Variants in DMRT1 observed in about 807,000 individuals in gnomAD.
The protein encoded by DMRT1 is doublesex- and mab-3-related transcription factor 1.
In DMRT1, 7 loss-of-function variants were observed where a neutral mutation model predicts 32.3. The observed-to-expected ratio is 0.22, with a 90% CI of 0.12 to 0.41. The LOEUF (loss-of-function observed/expected upper bound fraction) is 0.41, where lower values mean the gene tolerates loss of function less well. Among genes scored for constraint, DMRT1 ranks in the 10% least tolerant of loss-of-function variants. The probability of loss-of-function intolerance (pLI) is 1.00; values close to 1 mark genes in which losing one functional copy is unlikely to be tolerated. For synonymous variants in DMRT1, 278 were observed against 206.1 expected (o/e 1.35, Z -2.99); for missense variants, 625 against 500.5 (o/e 1.25, Z -2.37).
At chr9:946,603 G>A (rs1054161180) in intron 4 of DMRT1, among the ~76,000 whole-genome samples, 2 of 152,152 alleles carry the variant, frequency 1.3e-5, no homozygotes, top group African/African-American at 2.4e-5. Context: ...ACATAAAAAC[G>A]CTGGCTTTTG....
intron 2 of DMRT1, among the ~76,000 whole-genome samples, chr9:881,941 TA>T (rs906007866): frequency 6.6e-6 from 1 of 152,248 alleles, no homozygotes; most frequent in Non-Finnish European, 1.5e-5. Context: ...TGAATTGGCC[TA>T]AAGAGAGAAA....
chr9:864,954 A>T (rs1815913032), intron 2 of DMRT1, among the ~76,000 whole-genome samples: 1 of 152,202 alleles, frequency 6.6e-6, no homozygotes, highest in African/African-American at 2.4e-5. Flanking sequence ...TATGGCCGTG[A>T]TGCAGGAATG....
intron 4 of DMRT1, among the ~76,000 whole-genome samples, chr9:931,535 T>G (rs74860135): frequency 7.6e-4 from 115 of 152,294 alleles, no homozygotes; most frequent in African/African-American, 2.8e-3. Context: ...CAACAGAAAT[T>G]TATTTTCTTA....
chr9:907,369 T>C (rs968924164), intron 3 of DMRT1, among the ~76,000 whole-genome samples: 1 of 152,160 alleles, frequency 6.6e-6, no homozygotes, highest in Non-Finnish European at 1.5e-5. Flanking sequence ...TAGACAAATG[T>C]AGGTTTCCAA....
chr9:949,967 A>G (rs1169817234), intron 4 of DMRT1, among the ~76,000 whole-genome samples: 1 of 152,210 alleles, frequency 6.6e-6, no homozygotes, highest in African/African-American at 2.4e-5. Context: ...GTCAGTGGAC[A>G]TGTAGGTTGC....
intron 2 of DMRT1, among the ~76,000 whole-genome samples, chr9:850,975 G>A (rs972863004): frequency 6.7e-6 from 1 of 149,442 alleles, no homozygotes; most frequent in Admixed American, 6.7e-5. Flanking sequence ...GTTGCAGTGA[G>A]CTGAGATTGT....
At chr9:843,264 G>C (rs1838767686) in intron 1 of DMRT1, among the ~76,000 whole-genome samples, 1 of 152,204 alleles carries the variant, frequency 6.6e-6, no homozygotes, top group East Asian at 1.9e-4. Flanking sequence ...AGCCTTGTTT[G>C]TTTTTCTGGA....
chr9:850,913 C>T (rs1000025679), intron 2 of DMRT1, among the ~76,000 whole-genome samples: 5 of 151,796 alleles, frequency 3.3e-5, no homozygotes, highest in African/African-American at 1.2e-4. Context: ...CCTGTAATCC[C>T]AGCTACTCGA....
chr9:914,596 AG>A lies in DMRT1; in HGVS notation c.823-2166del, dbSNP rs1459552553. 2.2e-4 allele frequency among the ~76,000 whole-genome samples: 32 copies of A among 148,402 alleles called. No individual in the cohort carries two copies. The East Asian group carries it at 5.1e-3, about 24-fold the overall frequency. On this transcript the variant is annotated intron_variant, in intron 3 of 4. Transcript: ENST00000382276. ...CTCAAAAAAAAAAAAAAAAAAAAAA[AG>A]ATTTAATGTAATGGTAGAAAGTGAA...
At chr9:918,803 G>A (rs1459335250) in intron 4 of DMRT1, among the ~76,000 whole-genome samples, 20 of 152,164 alleles carry the variant, frequency 1.3e-4, no homozygotes, top group Non-Finnish European at 7.3e-5. Context: ...CAAAATCCCA[G>A]CTAATTTTTA....
chr9:841,969 G>A lies in DMRT1; in HGVS notation c.131G>A (p.Gly44Asp). 1 of 1,586,682 alleles carries A rather than the reference G, an allele frequency of 6.3e-7. No homozygotes were observed. Among genetic ancestry groups the A allele is most frequent in the Admixed American group, 1.8e-5 (1 of 56,440 alleles). Residue 44 changes from glycine to aspartate, a missense_variant, in exon 1 of 5, where the codon GGC becomes GAC. Coordinates refer to ENST00000382276, the MANE Select transcript of DMRT1 (RefSeq NM_021951.3). Reference protein sequence around the residue: ...ASGALVGAASGSSAGGSSRGG... With the variant: ...ASGALVGAASDSSAGGSSRGG... ...GGGGCGCTAGTGGGGGCGGCCAGCG[G>A]CTCGAGCGCCGGGGGCAGCAGCAGA...
chr9:883,171 T>C (rs1019857602), intron 2 of DMRT1, among the ~76,000 whole-genome samples: 4 of 151,094 alleles, frequency 2.6e-5, no homozygotes, highest in African/African-American at 9.7e-5. Flanking sequence ...CCAAGCCCGC[T>C]CCTATCTTTA....
intron 4 of DMRT1, among the ~76,000 whole-genome samples, chr9:963,175 A>G (rs1819829482): frequency 6.6e-6 from 1 of 152,182 alleles, no homozygotes; most frequent in South Asian, 2.1e-4. Flanking sequence ...GATTCCATCT[A>G]TAGGATCTTT....
intron 4 of DMRT1, among the ~76,000 whole-genome samples, chr9:951,447 G>T (rs1819424663): frequency 6.6e-6 from 1 of 152,144 alleles, no homozygotes; most frequent in African/African-American, 2.4e-5. Context: ...AATAAAACTT[G>T]ATTTATCCAC....
Position 868,815 on chromosome 9 carries a change from G to C in DMRT1, c.538+21672G>C, listed in dbSNP as rs150238758. Among the ~76,000 whole-genome samples, 864 of 152,270 alleles carry C rather than the reference G, an allele frequency of 5.7e-3. 7 individuals carry two copies. The highest frequency in any genetic ancestry group is 0.019 in the African/African-American group (787 of 41,568). ...GCTTGAGCCCAGGAGTTTGAGATCA[G>C]CCTGGGCAACATGGTGAAGCCCCAT... On this transcript the variant is annotated intron_variant, in intron 2 of 4. Transcript: ENST00000382276.
chr9:934,927 G>T (rs889235559), intron 4 of DMRT1, among the ~76,000 whole-genome samples: 8 of 152,054 alleles, frequency 5.3e-5, no homozygotes, highest in African/African-American at 1.9e-4. Context: ...TGATCTCTCT[G>T]GTGAATATTT....
intron 4 of DMRT1, among the ~76,000 whole-genome samples, chr9:926,126 A>G (rs1818515995): frequency 6.6e-6 from 1 of 151,558 alleles, no homozygotes; most frequent in Non-Finnish European, 1.5e-5. Context: ...CTGTCACAGT[A>G]AAAAAACTCA....
At chr9:873,699 G>A (rs533990560) in intron 2 of DMRT1, among the ~76,000 whole-genome samples, 1 of 152,276 alleles carries the variant, frequency 6.6e-6, no homozygotes, top group East Asian at 1.9e-4. Flanking sequence ...CTTTAGCTAG[G>A]CAGTGGCAAA....
chr9:849,692 C>T (rs529259313), intron 2 of DMRT1, among the ~76,000 whole-genome samples: 1 of 152,332 alleles, frequency 6.6e-6, no homozygotes, highest in Admixed American at 6.5e-5. Flanking sequence ...AGTCATTCTA[C>T]AGCCTTGAAC....
Sources: allele counts gnomAD v4.1 joint callset (sites outside exome capture counted in the v4.1 genomes callset), GRCh38; gene constraint gnomAD v4.1.1; transcripts MANE v1.5; gene names NCBI Gene and HGNC (gene_info 2026-07-23, HGNC 2026-07-21).